KDM3B: variants seen among roughly 807,000 people sequenced by gnomAD.
The protein encoded by KDM3B is lysine-specific demethylase 3B.
Under a neutral mutation model 170.0 loss-of-function variants are expected in KDM3B, and 10 were observed. The ratio of observed to expected loss-of-function variants is 0.06; its 90% CI spans 0.04 to 0.10. The LOEUF (loss-of-function observed/expected upper bound fraction) is 0.10, where lower values mean the gene tolerates loss of function less well. Among genes scored for constraint, KDM3B ranks in the 10% least tolerant of loss-of-function variants. The pLI, the probability that KDM3B is intolerant of heterozygous loss-of-function variation, is 1.00. For synonymous variants in KDM3B, 831 were observed against 834.8 expected, an observed-to-expected ratio of 1.00 and a Z score of 0.08; for missense variants, 1,394 against 2,195.2, an observed-to-expected ratio of 0.64 and a Z score of 7.29.
rs374038312 is a variant in KDM3B, at chr5:138,368,756, T to A, written c.193-3918T>A. 1.1e-4 allele frequency among the ~76,000 whole-genome samples: 16 copies of A among 152,326 alleles called. No homozygotes were observed. In the East Asian group the frequency reaches 2.9e-3, roughly 28 times the overall value. On this transcript the variant is annotated intron_variant, in intron 1 of 23. Transcript: ENST00000314358. ...TGTCATTTGATCCCAGAATGTGTAG[T>A]ACAGGGTTGTTTCAGATTTAACACT...
intron 13 of KDM3B, 111 bp downstream of exon 13, chr5:138,417,721 C>A: frequency 8.8e-7 from 1 of 1,135,916 alleles, no homozygotes; most frequent in Non-Finnish European, 1.3e-6. Flanking sequence ...CCTGAGGAAT[C>A]AGGAGATGGA....
chr5:138,372,569 T>C lies in KDM3B; in HGVS notation c.193-105T>C, dbSNP rs1462261073. ...AAAATAACTTAAACACAAGTTAGAA[T>C]TATTCCTAGTCAGTTGTTCAAAACA... On this transcript the variant is annotated intron_variant, in intron 1 of 23. Coordinates refer to ENST00000314358, the MANE Select transcript of KDM3B (RefSeq NM_016604.4). 3 of 946,980 alleles carry C rather than the reference T, an allele frequency of 3.2e-6. No homozygotes were observed. The East Asian group carries it at 7.5e-5, about 24-fold the overall frequency. The allele number at this position is 946,980 out of a possible 1,614,324, so 58.7% of individuals were successfully genotyped here. A position where few individuals can be genotyped will look rare whatever the true frequency, so the allele number is the denominator to read the frequency against.
intron 1 of KDM3B, among the ~76,000 whole-genome samples, chr5:138,362,189 C>T (rs1311038810): frequency 4.6e-5 from 7 of 151,716 alleles, no homozygotes; most frequent in African/African-American, 7.3e-5. Flanking sequence ...GGCATGGTGG[C>T]GCACGTAATC....
Position 138,391,787 on chromosome 5 carries a change from G to A in KDM3B, c.2155G>A (p.Ala719Thr). The change falls in exon 8 of 24, where the codon GCC becomes ACC. Residue 719 changes from alanine (A) to threonine (T), a missense_variant. Physicochemically the swap from Ala to Thr is moderately conservative, Grantham distance 58 (BLOSUM62 0). Coordinates refer to ENST00000314358, the MANE Select transcript of KDM3B (RefSeq NM_016604.4). This position sits in a 1 kb window ranked among gnomAD's most constrained non-coding sequence, Gnocchi z 5.0. ...ALTSGGPSLSAMGNGRSSSPT... is the reference protein window; with the variant it reads ...ALTSGGPSLSTMGNGRSSSPT... ...TACCAGTGGGGGCCCAAGCCTCTCTGCCATGGGGAATGGCCGCTCCAGCTC... is the reference window on the plus strand; with the variant it reads ...TACCAGTGGGGGCCCAAGCCTCTCTACCATGGGGAATGGCCGCTCCAGCTC... 6.2e-7 allele frequency: 1 copy of A among 1,614,062 alleles called. No individual in the cohort carries two copies. Among genetic ancestry groups the A allele is most frequent in the African/African-American group, 1.3e-5 (1 of 75,020 alleles).
intron 20 of KDM3B, among the ~76,000 whole-genome samples, chr5:138,429,535 C>T (rs1222097356): frequency 6.6e-6 from 1 of 152,080 alleles, no homozygotes; most frequent in Non-Finnish European, 1.5e-5. Context: ...ATACTTGTAG[C>T]GGAAGATAAC....
intron 1 of KDM3B, among the ~76,000 whole-genome samples, chr5:138,362,729 T>C (rs187817908): frequency 6.1e-4 from 91 of 148,660 alleles, no homozygotes; most frequent in South Asian, 3.1e-3. Flanking sequence ...TTTTATAGTA[T>C]AATTATATAA....
At chr5:138,389,052 A>G (rs1234803064) in intron 7 of KDM3B, among the ~76,000 whole-genome samples, 1 of 152,260 alleles carries the variant, frequency 6.6e-6, no homozygotes, top group East Asian at 1.9e-4. Context: ...GGAGTGAAAC[A>G]TGAGCTACCC....
intron 2 of KDM3B, among the ~76,000 whole-genome samples, chr5:138,373,400 G>A (rs1358714816): frequency 6.6e-6 from 1 of 151,906 alleles, no homozygotes; most frequent in Non-Finnish European, 1.5e-5. Context: ...CTCAGAGCAA[G>A]GTTTTGAAAC....
intron 15 of KDM3B, among the ~76,000 whole-genome samples, chr5:138,422,906 C>T (rs916592736): frequency 1.3e-5 from 2 of 152,082 alleles, no homozygotes; most frequent in Non-Finnish European, 2.9e-5. Flanking sequence ...TGACTGAGCC[C>T]TCTATACAAT....
chr5:138,421,070 G>T (rs1469595358), intron 15 of KDM3B, 108 bp downstream of exon 15: 3 of 1,293,642 alleles, frequency 2.3e-6, no homozygotes, highest in African/African-American at 1.5e-5. Flanking sequence ...TCTCTACATT[G>T]TCAAGCTGAC....
chr5:138,417,426 A>C, intron 12 of KDM3B, 57 bp from the exon 13 acceptor site: 1 of 1,547,030 alleles, frequency 6.5e-7, no homozygotes, highest in Non-Finnish European at 8.9e-7. Context: ...TCTTAGCACA[A>C]TATGTGGCAT....
At chr5:138,372,993 C>G (rs1167380788) in intron 2 of KDM3B, 152 bp downstream of exon 2, 1 of 649,142 alleles carries the variant, frequency 1.5e-6, no homozygotes, top group East Asian at 3.2e-5. Context: ...TAGGAGCAGT[C>G]TTTTCTCCTT....
rs1762035009 is a variant in KDM3B at position 138,377,775 on chromosome 5, C to T, written c.530C>T (p.Thr177Ile). Reference protein sequence around the residue: ...ILLEHAALRETVNALISDQKL... With the variant: ...ILLEHAALREIVNALISDQKL... ...TTGGAACATGCTGCACTGAGAGAAA[C>T]AGTTAATGCTTTGATCAGTGACCAA... The change falls in exon 4 of 24, where the codon ACA (threonine) becomes ATA (isoleucine). Residue 177 changes from threonine to isoleucine, a missense_variant. Thr to Ile is a moderately conservative substitution (Grantham distance 89, BLOSUM62 -1). Around this residue, in one of 19 missense-constraint regions of KDM3B, gnomAD observed 166 missense variants for 216.4 expected, o/e 0.77. Coordinates refer to ENST00000314358, the MANE Select transcript of KDM3B (RefSeq NM_016604.4). The T allele has an allele frequency of 1.4e-5, 23 of 1,613,994 alleles. No homozygotes were observed. The highest frequency in any genetic ancestry group is 1.9e-5 in the Non-Finnish European group (23 of 1,179,962).
chr5:138,371,454 C>CAAAAAAAA (rs747631161), intron 1 of KDM3B, among the ~76,000 whole-genome samples: 1 of 56,680 alleles, frequency 1.8e-5, no homozygotes. Context: ...GACCCTGTCT[C>CAAAAAAAA]AAAAAAAAAA....
chr5:138,359,247 C>T (rs1258626022), intron 1 of KDM3B, among the ~76,000 whole-genome samples: 1 of 151,830 alleles, frequency 6.6e-6, no homozygotes, highest in Non-Finnish European at 1.5e-5. Context: ...CTGCAACCTC[C>T]ACCTCCAGAG....
chr5:138,406,981 A>ATTT (rs745918786), intron 11 of KDM3B, among the ~76,000 whole-genome samples: 55 of 119,022 alleles, frequency 4.6e-4, no homozygotes, highest in African/African-American at 7.3e-4. Context: ...TATGCCAATA[A>ATTT]TTTTTTTTTT....
chr5:138,419,032 C>T lies in KDM3B; in HGVS notation c.3515C>T (p.Thr1172Ile). The change falls in exon 14 of 24, where the codon ACT becomes ATT. Residue 1172 changes from threonine (T) to isoleucine (I), a missense_variant. Physicochemically the swap from Thr to Ile is moderately conservative, Grantham distance 89 (BLOSUM62 -1). Around this residue, in one of 19 missense-constraint regions of KDM3B, gnomAD observed 87 missense variants for 83.3 expected, o/e 1.04. Coordinates refer to ENST00000314358, the MANE Select transcript of KDM3B (RefSeq NM_016604.4). ...GGAGGAGGACCGGCACCAGTAACAACTCCAGAGCCGGACCATGTTCCCAAA... is the reference window on the plus strand; with the variant it reads ...GGAGGAGGACCGGCACCAGTAACAATTCCAGAGCCGGACCATGTTCCCAAA... ...SGGGGPAPVT[T>I]PEPDHVPKAD... 1 of 1,614,212 alleles carries T rather than the reference C, an allele frequency of 6.2e-7. No individual in the cohort carries two copies. The highest frequency in any genetic ancestry group is 8.5e-7 in the Non-Finnish European group (1 of 1,180,032).
At chr5:138,433,326 C>T (rs1316750754) in intron 23 of KDM3B, among the ~76,000 whole-genome samples, 1 of 150,990 alleles carries the variant, frequency 6.6e-6, no homozygotes, top group Non-Finnish European at 1.5e-5. Flanking sequence ...CTTGGCCAGG[C>T]AGGTCTTGAA....
Position 138,386,228 on chromosome 5 carries a change from C to A in KDM3B, c.987C>A (p.Ala329=), listed in dbSNP as rs1762256378. ...ASRGPWKGGN[A]SGEPGLDQRA... ...GAGGGCCCTGGAAAGGAGGGAATGC[C>A]AGTGGAGAGCCAGGGCTGGATCAGA... The change falls in exon 7 of 24, where the codon GCC becomes GCA. Residue 329 remains alanine, a synonymous_variant. Transcript: ENST00000314358. The A allele has an allele frequency of 1.2e-6, 2 of 1,614,138 alleles. No homozygotes were observed. Among genetic ancestry groups the A allele is most frequent in the Non-Finnish European group, 1.7e-6 (2 of 1,180,022 alleles).
Sources: allele counts gnomAD v4.1 joint callset (sites outside exome capture counted in the v4.1 genomes callset), GRCh38; gene constraint gnomAD v4.1.1; regional missense constraint gnomAD v4.1.1; non-coding constraint Gnocchi (gnomAD v3.1); transcripts MANE v1.5; gene names NCBI Gene and HGNC (gene_info 2026-07-23, HGNC 2026-07-21).